Variants in LIMK2 observed in about 807,000 individuals in gnomAD.
LIMK2 encodes LIM domain kinase 2.
Under a neutral mutation model 75.7 loss-of-function variants are expected in LIMK2, and 35 were observed. The ratio of observed to expected loss-of-function variants is 0.46; its 90% CI spans 0.35 to 0.61. LIMK2 has a LOEUF of 0.61. Among genes scored for constraint, LIMK2 ranks in the 20% least tolerant of loss-of-function variants. LIMK2 has a pLI of 0.00. For synonymous variants in LIMK2, 301 were observed against 319.2 expected, an observed-to-expected ratio of 0.94 and a Z score of 0.61; for missense variants, 623 against 831.0, an observed-to-expected ratio of 0.75 and a Z score of 3.08.
intron 2 of LIMK2, among the ~76,000 whole-genome samples, chr22:31,254,729 C>T (rs1601426495): frequency 6.6e-6 from 1 of 152,128 alleles, no homozygotes; most frequent in African/African-American, 2.4e-5. Context: ...GAGGCCAAGG[C>T]GGGCAGATCA....
At chr22:31,268,109 T>C (rs1222359967) in intron 10 of LIMK2, 35 bp from the exon 11 acceptor site, 1 of 1,609,384 alleles carries the variant, frequency 6.2e-7, no homozygotes, top group South Asian at 1.1e-5. Context: ...GGGACAGGGC[T>C]CAACAGCCTC....
In LIMK2 at chr22:31,275,405, A is replaced by G; in HGVS notation, c.1772+97A>G. On this transcript the variant is annotated intron_variant, in intron 15 of 15. Coordinates refer to ENST00000331728, the MANE Select transcript of LIMK2 (RefSeq NM_005569.4). ...AGCCCTCTGCAAGCACAGGGGTGAG[A>G]GAAGCCTTGAGGTCAAGAATGTGGC... 2.5e-6 allele frequency: 3 copies of G among 1,223,158 alleles called. No individual in the cohort carries two copies. The South Asian group carries it at 4.1e-5, about 17-fold the overall frequency. The allele number at this position is 1,223,158 out of a possible 1,614,324, so 75.8% of individuals were successfully genotyped here.
intron 2 of LIMK2, among the ~76,000 whole-genome samples, chr22:31,227,283 C>G (rs2048488215): frequency 6.6e-6 from 1 of 152,218 alleles, no homozygotes; most frequent in Non-Finnish European, 1.5e-5. Flanking sequence ...ATGAGATAGA[C>G]TAGGCAGGCA....
rs751798120 is a variant in LIMK2, at chr22:31,278,363, C to T, written c.1839C>T (p.Ile613=). 4.3e-6 allele frequency: 7 copies of T among 1,613,896 alleles called. No homozygotes were observed. Among genetic ancestry groups the T allele is most frequent in the Non-Finnish European group, 5.9e-6 (7 of 1,179,952 alleles). The change falls in exon 16 of 16, where the codon ATC becomes ATT. Residue 613 remains isoleucine, a synonymous_variant. Coordinates refer to ENST00000331728, the MANE Select transcript of LIMK2 (RefSeq NM_005569.4). ...CCCTGTACCTGGGGGAGCTGGGCAT[C>T]CCGCTGCCTGCAGAGCTGGAGGAGT... The part of the protein sequence containing the change: ...ALSLYLGELG[I]PLPAELEELD...
intron 2 of LIMK2, among the ~76,000 whole-genome samples, chr22:31,228,622 G>A (rs1185222168): frequency 6.6e-6 from 1 of 152,078 alleles, no homozygotes; most frequent in African/African-American, 2.4e-5. Flanking sequence ...GGCTAGCATA[G>A]CATCTGACAT....
At position 31,219,349 on chromosome 22, in the gene LIMK2, C is replaced by G. The variant is rs544487519; in HGVS notation, c.17-6371C>G. 1.3e-4 allele frequency among the ~76,000 whole-genome samples: 20 copies of G among 152,106 alleles called. 1 individual carries two copies. In the South Asian group the frequency reaches 4.2e-3, roughly 32 times the overall value. On this transcript the variant is annotated intron_variant, in intron 1 of 15. Transcript: ENST00000331728. ...AATGTAAAGTGAATGTATTTTATAC[C>G]AAGATTGAAAAGGTCTTAAAGGTGA...
intron 15 of LIMK2, chr22:31,277,143 G>T: frequency 1.2e-6 from 2 of 1,613,638 alleles, no homozygotes; most frequent in Non-Finnish European, 1.7e-6. Context: ...AGAAGTGAGG[G>T]TCCCCGACCC....
chr22:31,275,619 A>ATCT (rs2049005740), intron 15 of LIMK2: 1 of 274,072 alleles, frequency 3.6e-6, no homozygotes, highest in Non-Finnish European at 6.8e-6. Context: ...CCCTGTCCAT[A>ATCT]TCTACACATA....
chr22:31,228,997 TTTATA>T (rs2048502449), intron 2 of LIMK2, among the ~76,000 whole-genome samples: 1 of 152,232 alleles, frequency 6.6e-6, no homozygotes, highest in Admixed American at 6.5e-5. Flanking sequence ...TAACTGTCAC[TTTATA>T]TTATGTTGTG....
intron 15 of LIMK2, among the ~76,000 whole-genome samples, chr22:31,276,479 G>T (rs1174287007): frequency 7.0e-6 from 1 of 142,700 alleles, no homozygotes; most frequent in South Asian, 2.1e-4. Flanking sequence ...GGCGGCGGCC[G>T]CAGGGGACAA....
intron 2 of LIMK2, among the ~76,000 whole-genome samples, chr22:31,248,174 C>T (rs954982877): frequency 2.0e-5 from 3 of 152,026 alleles, no homozygotes; most frequent in South Asian, 4.1e-4. Context: ...TCAGGATGGA[C>T]GCTCAATTGG....
At position 31,267,875 on chromosome 22, in the gene LIMK2, G is replaced by T. The variant is rs762187095; in HGVS notation, c.1228G>T (p.Gly410Trp). The T allele has an allele frequency of 1.2e-6, 2 of 1,610,156 alleles. No homozygotes were observed. The highest frequency in any genetic ancestry group is 1.7e-6 in the Non-Finnish European group (2 of 1,178,472). ...GAACCTCCTGACAGAGTACATTGAGGGGGGCACACTGAAGGACTTTCTGCG... is the reference window on the plus strand; with the variant it reads ...GAACCTCCTGACAGAGTACATTGAGTGGGGCACACTGAAGGACTTTCTGCG... ...KLNLLTEYIE[G>W]GTLKDFLRSM... is the part of the protein sequence containing the mutation. Residue 410 changes from glycine to tryptophan, a missense_variant, in exon 10 of 16, where the codon GGG becomes TGG. Transcript: ENST00000331728.
rs964217439 is a variant in LIMK2 at position 31,262,402 on chromosome 22, G to A, written c.657+163G>A. 2.6e-5 allele frequency among the ~76,000 whole-genome samples: 4 copies of A among 152,134 alleles called. No individual in the cohort carries two copies. Among genetic ancestry groups the A allele is most frequent in the Non-Finnish European group, 4.4e-5 (3 of 68,018 alleles). ...CTATTTCAGCGTAACAGGTTCCCAGGGTAGCAGGGATGGTTGATGGACGGG... is the reference window on the plus strand; with the variant it reads ...CTATTTCAGCGTAACAGGTTCCCAGAGTAGCAGGGATGGTTGATGGACGGG... On this transcript the variant is annotated intron_variant, in intron 6 of 15. Transcript: ENST00000331728. The surrounding 1 kb of genome is among the most constrained non-coding windows in gnomAD (Gnocchi z 5.0).
At chr22:31,247,903 A>T (rs1011889433) in intron 2 of LIMK2, among the ~76,000 whole-genome samples, 4 of 152,142 alleles carry the variant, frequency 2.6e-5, no homozygotes, top group Admixed American at 2.6e-4. Context: ...TGTCCCCAGG[A>T]CAGGCAGAGG....
At chr22:31,237,631 G>C (rs1019438804) in intron 2 of LIMK2, among the ~76,000 whole-genome samples, 12 of 151,708 alleles carry the variant, frequency 7.9e-5, no homozygotes, top group Non-Finnish European at 1.6e-4. Flanking sequence ...CAGTATTACT[G>C]TGAATAAAAG....
At chr22:31,263,232 G>T (rs562156607) in intron 7 of LIMK2, among the ~76,000 whole-genome samples, 1 of 152,312 alleles carries the variant, frequency 6.6e-6, no homozygotes, top group Middle Eastern at 3.4e-3. Flanking sequence ...CCCAGATTCT[G>T]CCAGGTCCAT....
chr22:31,239,652 C>T (rs1162890614), intron 2 of LIMK2, among the ~76,000 whole-genome samples: 1 of 152,154 alleles, frequency 6.6e-6, no homozygotes, highest in Non-Finnish European at 1.5e-5. Flanking sequence ...CTCTTCATAC[C>T]TCAGTTATAT....
chr22:31,247,125 C>T (rs1029377775), intron 2 of LIMK2, among the ~76,000 whole-genome samples: 9 of 152,198 alleles, frequency 5.9e-5, no homozygotes, highest in African/African-American at 1.9e-4. Flanking sequence ...AGAAGCTGCA[C>T]GGTGACTTCT....
At chr22:31,236,264 A>G (rs766929686) in intron 2 of LIMK2, among the ~76,000 whole-genome samples, 25 of 148,604 alleles carry the variant, frequency 1.7e-4, no homozygotes, top group Non-Finnish European at 2.5e-4. Flanking sequence ...ACTGCACTCC[A>G]GCCTGGGTGA....
Sources: gnomAD v4.1 joint callset for allele counts (sites outside exome capture counted in the v4.1 genomes callset) on GRCh38, gnomAD v4.1.1 for gene constraint, Gnocchi (gnomAD v3.1) non-coding constraint, MANE v1.5 for transcripts, NCBI Gene and HGNC (gene_info 2026-07-23, HGNC 2026-07-21) for gene names.